The following SH3RF3 variants were observed in gnomAD, a reference collection of about 807,000 sequenced individuals.
SH3RF3 encodes SH3 domain containing ring finger 3.
A neutral mutation model predicts 66.3 loss-of-function variants in SH3RF3; 29 were observed. The observed-to-expected ratio is 0.44, with a 90% confidence interval of 0.33 to 0.60. The LOEUF (loss-of-function observed/expected upper bound fraction) is 0.60, where lower values mean the gene tolerates loss of function less well. Among genes scored for constraint, SH3RF3 ranks in the 20% least tolerant of loss-of-function variants. The pLI is 0.04. For synonymous variants in SH3RF3, 583 were observed against 532.0 expected (o/e 1.10, Z -1.32); for missense variants, 1,194 against 1,190.9 (o/e 1.00, Z -0.04).
intron 5 of SH3RF3, among the ~76,000 whole-genome samples, chr2:109,429,278 C>G (rs1428640108): frequency 6.6e-6 from 1 of 152,172 alleles, no homozygotes; most frequent in Admixed American, 6.5e-5. Flanking sequence ...CCCAGCACAT[C>G]CATCTGCTTT....
intron 5 of SH3RF3, among the ~76,000 whole-genome samples, chr2:109,423,270 GT>G (rs1195184011): frequency 1.3e-5 from 2 of 152,142 alleles, no homozygotes; most frequent in African/African-American, 2.4e-5. Flanking sequence ...CCCTGCTGAG[GT>G]GCAGACCAGG....
intron 1 of SH3RF3, among the ~76,000 whole-genome samples, chr2:109,347,139 G>A (rs1445745188): frequency 6.6e-6 from 1 of 152,202 alleles, no homozygotes; most frequent in Non-Finnish European, 1.5e-5. Flanking sequence ...CTATTCAGTA[G>A]ATGAAGTAAA....
intron 1 of SH3RF3, among the ~76,000 whole-genome samples, chr2:109,257,663 G>T (rs906701339): frequency 6.6e-6 from 1 of 152,130 alleles, no homozygotes; most frequent in Non-Finnish European, 1.5e-5. Context: ...CTTGGTTTGC[G>T]CTTCAGGGAA....
At chr2:109,274,319 A>G (rs903404302) in intron 1 of SH3RF3, among the ~76,000 whole-genome samples, 1 of 152,254 alleles carries the variant, frequency 6.6e-6, no homozygotes, top group African/African-American at 2.4e-5. Flanking sequence ...ACAGGTGGTC[A>G]AACAAGTATA....
rs1285028603 is a variant in SH3RF3 at position 109,432,555 on chromosome 2, C to G, written c.1458C>G (p.His486Gln). The G allele has an allele frequency of 1.2e-6, 2 of 1,613,592 alleles. No individual in the cohort carries two copies. The highest frequency in any genetic ancestry group is 1.7e-6 in the Non-Finnish European group (2 of 1,179,802). The change falls in exon 6 of 10, where the codon CAC becomes CAG. Residue 486 changes from histidine (H) to glutamine (Q), a missense_variant. His to Gln is a conservative substitution (Grantham distance 24). Coordinates refer to ENST00000309415, the MANE Select transcript of SH3RF3 (RefSeq NM_001099289.3). ...AGAAGAGTGACGAGCTGGAGCTGCACAAGGGAGAGATGTACCGGGTCCTCG... is the reference window on the plus strand; with the variant it reads ...AGAAGAGTGACGAGCTGGAGCTGCAGAAGGGAGAGATGTACCGGGTCCTCG... ...KPQKSDELELHKGEMYRVLEK... is the reference protein window; with the variant it reads ...KPQKSDELELQKGEMYRVLEK...
chr2:109,220,455 G>C (rs1679204455), intron 1 of SH3RF3, among the ~76,000 whole-genome samples: 2 of 152,174 alleles, frequency 1.3e-5, no homozygotes, highest in South Asian at 4.1e-4. Flanking sequence ...AAAGTTTTGT[G>C]CTTCAAAGGA....
At chr2:109,280,383 C>A (rs1680853144) in intron 1 of SH3RF3, among the ~76,000 whole-genome samples, 1 of 152,158 alleles carries the variant, frequency 6.6e-6, no homozygotes, top group South Asian at 2.1e-4. Context: ...ACAGCAGCAT[C>A]CCACCTGAGT....
At chr2:109,296,085 G>GC (rs1378516710) in intron 1 of SH3RF3, among the ~76,000 whole-genome samples, 1 of 151,992 alleles carries the variant, frequency 6.6e-6, no homozygotes, top group Non-Finnish European at 1.5e-5. Flanking sequence ...AGCCAGGTTG[G>GC]CCCCCCAGAA....
intron 1 of SH3RF3, among the ~76,000 whole-genome samples, chr2:109,306,019 A>G (rs1681587068): frequency 1.3e-5 from 2 of 152,228 alleles, no homozygotes; most frequent in South Asian, 4.1e-4. Flanking sequence ...AGGTGACTTC[A>G]GGAGTGATTC....
chr2:109,448,700 A>G (rs532450098), intron 7 of SH3RF3, among the ~76,000 whole-genome samples: 2 of 152,332 alleles, frequency 1.3e-5, no homozygotes, highest in Non-Finnish European at 1.5e-5. Flanking sequence ...ATTTCACTAT[A>G]TATTACAATG....
chr2:109,294,591 A>T (rs1371333255), intron 1 of SH3RF3, among the ~76,000 whole-genome samples: 1 of 50,550 alleles, frequency 2.0e-5, no homozygotes, highest in East Asian at 5.4e-4. Flanking sequence ...AAAAAAGGTA[A>T]AAAAAAAAAA....
At chr2:109,420,563 A>C (rs1173838051) in intron 5 of SH3RF3, among the ~76,000 whole-genome samples, 1 of 152,076 alleles carries the variant, frequency 6.6e-6, no homozygotes, top group East Asian at 1.9e-4. Flanking sequence ...CTCCTGCCTC[A>C]GCCTCCCAAG....
intron 1 of SH3RF3, among the ~76,000 whole-genome samples, chr2:109,301,389 G>T (rs921424880): frequency 2.8e-4 from 43 of 151,868 alleles, no homozygotes; most frequent in Admixed American, 2.8e-3. Flanking sequence ...GGGACCTTGG[G>T]TCTCTGTCTG....
intron 8 of SH3RF3, among the ~76,000 whole-genome samples, chr2:109,485,121 C>T (rs1039340805): frequency 9.9e-5 from 15 of 152,248 alleles, no homozygotes; most frequent in Non-Finnish European, 1.5e-4. Flanking sequence ...GAGTCCCTTT[C>T]TATCTGCTTC....
At chr2:109,249,734 G>A (rs558899912) in intron 1 of SH3RF3, among the ~76,000 whole-genome samples, 6 of 151,502 alleles carry the variant, frequency 4.0e-5, no homozygotes, top group East Asian at 1.9e-4. Context: ...TGCAAGCTCC[G>A]CAAGCTCCGC....
In SH3RF3 at chr2:109,398,670, C is replaced by T. The variant is rs967951867; in HGVS notation, c.1026C>T (p.Pro342=). 15 of 1,608,516 alleles carry T rather than the reference C, an allele frequency of 9.3e-6. No individual in the cohort carries two copies. The East Asian group carries it at 3.4e-4, about 36-fold the overall frequency. ...AAASSCNASL[P]SDSGAVASVA... is the part of the protein sequence containing the mutation. Reference sequence around the variant, plus strand: ...CATCCAGCTGCAATGCCTCCCTGCCCTCTGACTCCGGCGCTGTGGCCAGCG... The same window carrying T: ...CATCCAGCTGCAATGCCTCCCTGCCTTCTGACTCCGGCGCTGTGGCCAGCG... The change falls in exon 4 of 10, where the codon CCC becomes CCT. Residue 342 remains proline, a synonymous_variant. Coordinates refer to ENST00000309415, the MANE Select transcript of SH3RF3 (RefSeq NM_001099289.3).
At chr2:109,272,071 C>T (rs1014484223) in intron 1 of SH3RF3, among the ~76,000 whole-genome samples, 4 of 152,132 alleles carry the variant, frequency 2.6e-5, no homozygotes, top group Non-Finnish European at 4.4e-5. Flanking sequence ...GTGTCATGGC[C>T]GGGCCTCCTG....
chr2:109,335,250 C>T (rs1027170218), intron 1 of SH3RF3, among the ~76,000 whole-genome samples: 1 of 152,234 alleles, frequency 6.6e-6, no homozygotes, highest in Non-Finnish European at 1.5e-5. Flanking sequence ...CAAGGCCCCT[C>T]GCCCGTCCCA....
intron 2 of SH3RF3, among the ~76,000 whole-genome samples, chr2:109,357,337 A>G (rs1682968393): frequency 6.6e-6 from 1 of 152,002 alleles, no homozygotes; most frequent in Non-Finnish European, 1.5e-5. Context: ...ACCCACCACC[A>G]TGCCCGGATA....
Sources: allele counts gnomAD v4.1 joint callset (sites outside exome capture counted in the v4.1 genomes callset), GRCh38; gene constraint gnomAD v4.1.1; transcripts MANE v1.5; gene names NCBI Gene and HGNC (gene_info 2026-07-23, HGNC 2026-07-21).